Variants in TNK2 observed in about 807,000 individuals in gnomAD.
The protein encoded by TNK2 is activated CDC42 kinase 1.
In TNK2, 83 loss-of-function variants were observed where a neutral mutation model predicts 101.8. That is an observed-to-expected ratio of 0.82 (90% CI 0.68 to 0.98). The LOEUF (loss-of-function observed/expected upper bound fraction) is 0.98. Ranked by LOEUF, TNK2 falls within the 50% of genes least tolerant of loss-of-function variation. The pLI is 0.00. For synonymous variants in TNK2, 804 were observed against 633.0 expected (o/e 1.27, Z -4.06); for missense variants, 1,665 against 1,483.2 (o/e 1.12, Z -2.01).
chr3:195,901,349 T>C (rs919758251), intron 1 of TNK2, among the ~76,000 whole-genome samples: 1 of 152,146 alleles, frequency 6.6e-6, no homozygotes, highest in African/African-American at 2.4e-5. Context: ...GGGAGAGCCC[T>C]GCCAAGGTCA....
intron 12 of TNK2, chr3:195,869,182 G>A (rs780632159): frequency 5.0e-5 from 28 of 562,572 alleles, no homozygotes; most frequent in Non-Finnish European, 8.3e-5. Context: ...CCCAGACAGC[G>A]CCTGCAGGTC....
At chr3:195,897,714 T>C (rs1480305653) in intron 1 of TNK2, among the ~76,000 whole-genome samples, 2 of 151,830 alleles carry the variant, frequency 1.3e-5, no homozygotes, top group Middle Eastern at 3.2e-3. Context: ...GTTGCCCAGG[T>C]TGGTCTCAAA....
intron 1 of TNK2, among the ~76,000 whole-genome samples, chr3:195,902,819 G>T (rs4560328): frequency 6.6e-6 from 1 of 151,408 alleles, no homozygotes; most frequent in African/African-American, 2.4e-5. Context: ...GCGCAATCTC[G>T]GCTCGCTGCA....
Position 195,878,426 on chromosome 3 carries a change from T to C in TNK2, c.1161+20A>G, listed in dbSNP as rs1560505067. The C allele has an allele frequency of 2.5e-6, 4 of 1,613,876 alleles. No individual in the cohort carries two copies. The highest frequency in any genetic ancestry group is 2.5e-6 in the Non-Finnish European group (3 of 1,179,940). ...CTCAGCTTGAACACCCCAGCTCTCC[T>C]GGGCTGACCTGTCCCTCACCTCCAG... On this transcript the variant is annotated intron_variant, in intron 8 of 15. Coordinates refer to ENST00000672887, the MANE Select transcript of TNK2 (RefSeq NM_001382273.1). The surrounding 1 kb of genome is among the most constrained non-coding windows in gnomAD (Gnocchi z 4.7).
rs1274689417 is a variant in TNK2, at chr3:195,868,033, A to C, written c.2265T>G (p.Pro755=). 3.1e-6 allele frequency: 5 copies of C among 1,590,928 alleles called. No homozygotes were observed. The highest frequency in any genetic ancestry group is 4.3e-6 in the Non-Finnish European group (5 of 1,173,276). ...SPGGDDKPQV[P]PRVPIPPRPT... ...GCCGAGGGGGGATGGGTACCCGAGG[A>C]GGCACCTGGGGCTTGTCGTCACCCC... is the stretch of plus-strand genomic sequence containing the variant. Residue 755 remains proline, a synonymous_variant, in exon 13 of 16, where the codon CCT becomes CCG. Transcript: ENST00000672887.
At chr3:195,879,406 G>T in intron 6 of TNK2, 1 of 487,640 alleles carries the variant, frequency 2.1e-6, no homozygotes, top group Non-Finnish European at 3.6e-6. Flanking sequence ...CCTGGTGGGG[G>T]AAGAGGAAAG....
rs1199117543 is a variant in TNK2, at chr3:195,885,085, C to T, written c.235-52G>A. The T allele has an allele frequency of 2.7e-6, 4 of 1,500,714 alleles. No individual in the cohort carries two copies. The African/African-American group carries it at 5.6e-5, about 21-fold the overall frequency. 93.0% of individuals were successfully genotyped at this position (1,500,714 alleles called of 1,614,324 possible). The stretch of plus-strand genomic sequence containing the variant: ...TGGAATCCAACACCCCAGGGTCAGT[C>T]ACTCAGTCCCACCCCGCTGGGTCCA... On this transcript the variant is annotated intron_variant, in intron 3 of 15. Transcript: ENST00000672887. The surrounding 1 kb of genome is among the most constrained non-coding windows in gnomAD (Gnocchi z 4.7).
At chr3:195,869,058 T>C (rs1576996615) in intron 12 of TNK2, 1 of 454,690 alleles carries the variant, frequency 2.2e-6, no homozygotes, top group East Asian at 3.8e-5. Flanking sequence ...TGAGCCCTCA[T>C]CCCCGCCCCT....
intron 9 of TNK2, among the ~76,000 whole-genome samples, chr3:195,877,551 A>G (rs1750107338): frequency 6.6e-6 from 1 of 152,098 alleles, no homozygotes. Context: ...GGTCCTCAAT[A>G]CTGCCCCTGC....
chr3:195,876,968 G>C (rs867932832), intron 9 of TNK2, among the ~76,000 whole-genome samples: 1 of 152,210 alleles, frequency 6.6e-6, no homozygotes, highest in Admixed American at 6.5e-5. Flanking sequence ...GGCTCCGGCA[G>C]CAGCACAAGA....
chr3:195,884,496 A>C (rs552297666), intron 4 of TNK2: 1 of 260,806 alleles, frequency 3.8e-6, no homozygotes, highest in African/African-American at 2.2e-5. Flanking sequence ...TACAAAAATT[A>C]ACTGAGTGTG....
At position 195,885,077 on chromosome 3, in the gene TNK2, G is replaced by A. The variant is rs370359592; in HGVS notation, c.235-44C>T. On this transcript the variant is annotated intron_variant, in intron 3 of 15. Transcript: ENST00000672887. The surrounding 1 kb of genome is among the most constrained non-coding windows in gnomAD (Gnocchi z 4.7). Reference sequence around the variant, plus strand: ...GGGCCAGATGGAATCCAACACCCCAGGGTCAGTCACTCAGTCCCACCCCGC... The same window carrying A: ...GGGCCAGATGGAATCCAACACCCCAAGGTCAGTCACTCAGTCCCACCCCGC... The A allele has an allele frequency of 6.5e-7, 1 of 1,530,312 alleles. No homozygotes were observed. Among genetic ancestry groups the A allele is most frequent in the South Asian group, 1.3e-5 (1 of 79,548 alleles). The allele number at this position is 1,530,312 out of a possible 1,614,324, so 94.8% of individuals were successfully genotyped here.
intron 1 of TNK2, among the ~76,000 whole-genome samples, chr3:195,889,240 AC>A (rs765220079): frequency 7.2e-5 from 11 of 152,070 alleles, no homozygotes; most frequent in South Asian, 6.2e-4. Context: ...GCTCGCAGAC[AC>A]CCCTGTCAAC....
chr3:195,882,497 T>G lies in TNK2; in HGVS notation c.610-169A>C. On this transcript the variant is annotated intron_variant, in intron 5 of 15. Coordinates refer to ENST00000672887, the MANE Select transcript of TNK2 (RefSeq NM_001382273.1). This position sits in a 1 kb window ranked among gnomAD's most constrained non-coding sequence, Gnocchi z 4.2. Reference sequence around the variant, plus strand: ...TAGGAGTCCTGCAGTTTCTCAGGCCTCTCCCTCGAGGCAATTTGGGAAACT... The same window carrying G: ...TAGGAGTCCTGCAGTTTCTCAGGCCGCTCCCTCGAGGCAATTTGGGAAACT... 6.5e-7 allele frequency: 1 copy of G among 1,539,536 alleles called. No homozygotes were observed. Among genetic ancestry groups the G allele is most frequent in the Non-Finnish European group, 8.7e-7 (1 of 1,146,616 alleles).
rs549376481 is a variant in TNK2, at chr3:195,886,887, G to A, written c.234+90C>T. The A allele has an allele frequency of 2.2e-5, 31 of 1,421,716 alleles. No homozygotes were observed. The highest frequency in any genetic ancestry group is 4.2e-5 in the African/African-American group (3 of 71,152). 88.1% of individuals were successfully genotyped at this position (1,421,716 alleles called of 1,614,324 possible). ...GCAGAACGGCGAGATTCGACCTGCC[G>A]GGGAGCTGGGGAAGGTTCCCAGGAC... On this transcript the variant is annotated intron_variant, in intron 3 of 15. Transcript: ENST00000672887. This position sits in a 1 kb window ranked among gnomAD's most constrained non-coding sequence, Gnocchi z 4.2.
chr3:195,898,263 CG>C (rs1760853318), intron 1 of TNK2, among the ~76,000 whole-genome samples: 1 of 152,164 alleles, frequency 6.6e-6, no homozygotes, highest in Non-Finnish European at 1.5e-5. Flanking sequence ...TTCCTCCCAA[CG>C]GTGACAATGA....
intron 1 of TNK2, among the ~76,000 whole-genome samples, chr3:195,889,552 C>T (rs951149257): frequency 2.6e-5 from 4 of 152,200 alleles, no homozygotes; most frequent in Non-Finnish European, 5.9e-5. Flanking sequence ...CCATTCTGTT[C>T]CCTGATTTCA....
chr3:195,882,652 G>A lies in TNK2; in HGVS notation c.610-324C>T. On this transcript the variant is annotated intron_variant, in intron 5 of 15. Transcript: ENST00000672887. This position sits in a 1 kb window ranked among gnomAD's most constrained non-coding sequence, Gnocchi z 4.2. ...GTGGGTGGATCATTTGAGGTCAGGAGTTTGAGACCAGCCTGGCCAACATGG... is the reference window on the plus strand; with the variant it reads ...GTGGGTGGATCATTTGAGGTCAGGAATTTGAGACCAGCCTGGCCAACATGG... 1 of 711,134 alleles carries A rather than the reference G, an allele frequency of 1.4e-6. No individual in the cohort carries two copies. The highest frequency in any genetic ancestry group is 2.2e-6 in the Non-Finnish European group (1 of 458,076). 44.1% of individuals were successfully genotyped at this position (711,134 alleles called of 1,614,324 possible).
In TNK2 at chr3:195,885,339, A is replaced by G. The variant is rs1755128212; in HGVS notation, c.235-306T>C. 7.2e-7 allele frequency: 1 copy of G among 1,379,872 alleles called. No homozygotes were observed. Among genetic ancestry groups the G allele is most frequent in the Non-Finnish European group, 9.5e-7 (1 of 1,055,690 alleles). 85.5% of individuals were successfully genotyped at this position (1,379,872 alleles called of 1,614,324 possible). A position where few individuals can be genotyped will look rare whatever the true frequency, so the allele number is the denominator to read the frequency against. On this transcript the variant is annotated intron_variant, in intron 3 of 15. Transcript: ENST00000672887. This position sits in a 1 kb window ranked among gnomAD's most constrained non-coding sequence, Gnocchi z 4.7. ...GGAGAGGGAGGGCACCGCCCAGCCA[A>G]GGTCGGAGTCTCCTCCCAGTCCTGC...
Sources: gnomAD v4.1 joint callset for allele counts (sites outside exome capture counted in the v4.1 genomes callset) on GRCh38, gnomAD v4.1.1 for gene constraint, Gnocchi (gnomAD v3.1) non-coding constraint, MANE v1.5 for transcripts, NCBI Gene and HGNC (gene_info 2026-07-23, HGNC 2026-07-21) for gene names.